The following XKR9 variants were observed in gnomAD, a reference collection of about 807,000 sequenced individuals.
XKR9 encodes the protein XK-related protein 9.
Under a neutral mutation model 32.0 loss-of-function variants are expected in XKR9, and 32 were observed. That is an observed-to-expected ratio of 1.00 (90% CI 0.76 to 1.34). The LOEUF is 1.34. XKR9 is among the 40% of genes most tolerant of loss of function. The pLI is 0.00. For missense variants in XKR9, 546 were observed against 429.7 expected (o/e 1.27, Z -2.39); for synonymous variants, 168 against 143.4 (o/e 1.17, Z -1.22).
At chr8:70,807,491 C>T in the XKR9 span, among the ~76,000 whole-genome samples, 1 of 152,026 alleles carries the variant, frequency 6.6e-6, no homozygotes, top group African/African-American at 2.4e-5. Context: ...GAGTCAAGGC[C>T]CATTGGTGTG....
chr8:70,997,296 T>C, the XKR9 span, among the ~76,000 whole-genome samples: 7 of 151,138 alleles, frequency 4.6e-5, no homozygotes, highest in African/African-American at 1.7e-4. Flanking sequence ...AGACTCCATC[T>C]CAAAAAAACA....
At chr8:70,689,962 A>G (rs544988036) in intron 3 of XKR9, among the ~76,000 whole-genome samples, 28 of 152,270 alleles carry the variant, frequency 1.8e-4, no homozygotes, top group Non-Finnish European at 3.7e-4. Flanking sequence ...TTTCTTACTT[A>G]TAACTTTCTA....
the XKR9 span, among the ~76,000 whole-genome samples, chr8:71,058,753 C>T: frequency 6.6e-6 from 1 of 152,318 alleles, no homozygotes; most frequent in East Asian, 1.9e-4. Context: ...CAGAAAAGTA[C>T]ATTATCCAAA....
chr8:70,829,285 A>G, the XKR9 span, among the ~76,000 whole-genome samples: 3 of 143,914 alleles, frequency 2.1e-5, no homozygotes, highest in Admixed American at 2.1e-4. Context: ...AATATAAGTA[A>G]GTTAAAACAA....
At chr8:70,685,893 A>T (rs1235038071) in intron 3 of XKR9, among the ~76,000 whole-genome samples, 3 of 150,624 alleles carry the variant, frequency 2.0e-5, no homozygotes, top group Non-Finnish European at 3.0e-5. Flanking sequence ...ATAATAAAAT[A>T]AAAAAAATTA....
At chr8:70,882,720 A>T in the XKR9 span, among the ~76,000 whole-genome samples, 2 of 152,024 alleles carry the variant, frequency 1.3e-5, no homozygotes, top group Admixed American at 6.6e-5. Flanking sequence ...AACATAGTGC[A>T]CTAGTGTTGT....
the XKR9 span, among the ~76,000 whole-genome samples, chr8:70,958,821 T>G: frequency 6.6e-6 from 1 of 152,186 alleles, no homozygotes; most frequent in South Asian, 2.1e-4. Flanking sequence ...TTAGTCAAGT[T>G]ACTTAGCTTC....
the XKR9 span, among the ~76,000 whole-genome samples, chr8:71,049,053 G>C: frequency 6.6e-6 from 1 of 152,174 alleles, no homozygotes; most frequent in Admixed American, 6.5e-5. Context: ...AAATGCAACT[G>C]TTCCATACAA....
At chr8:70,995,713 G>T in the XKR9 span, among the ~76,000 whole-genome samples, 35 of 151,996 alleles carry the variant, frequency 2.3e-4, no homozygotes, top group African/African-American at 7.7e-4. Flanking sequence ...ATAGGGTCTT[G>T]CTCTGTTGCC....
At chr8:70,802,126 CG>C in the XKR9 span, among the ~76,000 whole-genome samples, 2 of 151,734 alleles carry the variant, frequency 1.3e-5, no homozygotes, top group East Asian at 1.9e-4. Context: ...TTAGTAGACA[CG>C]GGGTTTCACC....
chr8:70,791,782 AACTG>A (rs1163593832), downstream of XKR9, among the ~76,000 whole-genome samples: 5 of 152,260 alleles, frequency 3.3e-5, no homozygotes, highest in Non-Finnish European at 5.9e-5. Flanking sequence ...AGCTTCACAG[AACTG>A]ACTAAGACAC....
chr8:70,857,940 A>G, the XKR9 span, among the ~76,000 whole-genome samples: 1 of 152,186 alleles, frequency 6.6e-6, no homozygotes. Context: ...AACTCTCAAT[A>G]AATTAGGTAT....
At chr8:70,806,688 T>C in the XKR9 span, among the ~76,000 whole-genome samples, 1 of 151,844 alleles carries the variant, frequency 6.6e-6, no homozygotes, top group African/African-American at 2.4e-5. Context: ...ACCACCTTGC[T>C]GAAATAAGGC....
intron 2 of XKR9, among the ~76,000 whole-genome samples, chr8:70,755,606 G>A (rs1469827919): frequency 6.6e-6 from 1 of 152,048 alleles, no homozygotes; most frequent in Non-Finnish European, 1.5e-5. Flanking sequence ...CATGTCCTTT[G>A]TAGGGACATG....
chr8:70,996,845 C>T, the XKR9 span, among the ~76,000 whole-genome samples: 21 of 152,204 alleles, frequency 1.4e-4, no homozygotes, highest in African/African-American at 1.2e-4. Context: ...CAGAGCTATC[C>T]TCCCTATACC....
At chr8:70,809,306 A>G in the XKR9 span, among the ~76,000 whole-genome samples, 2 of 152,226 alleles carry the variant, frequency 1.3e-5, no homozygotes, top group Non-Finnish European at 2.9e-5. Flanking sequence ...CGTCACCATC[A>G]TCAAAGACCA....
chr8:70,719,849 G>A (rs1396183624), intron 4 of XKR9, among the ~76,000 whole-genome samples: 2 of 151,936 alleles, frequency 1.3e-5, no homozygotes, highest in African/African-American at 4.8e-5. Context: ...GTACCTTGAT[G>A]GTTATTCAAA....
intron 4 of XKR9, among the ~76,000 whole-genome samples, chr8:70,712,802 C>T (rs922355689): frequency 1.3e-5 from 2 of 152,054 alleles, no homozygotes; most frequent in East Asian, 3.9e-4. Context: ...CTGATAGTAC[C>T]CCTACATGTC....
chr8:70,868,276 G>C, the XKR9 span, among the ~76,000 whole-genome samples: 6 of 152,060 alleles, frequency 3.9e-5, no homozygotes, highest in African/African-American at 1.4e-4. Flanking sequence ...CTGTGTGGGG[G>C]CTCTGACCCC....
Sources: allele counts gnomAD v4.1 joint callset (sites outside exome capture counted in the v4.1 genomes callset), GRCh38; gene constraint gnomAD v4.1.1; transcripts MANE v1.5; gene names NCBI Gene and HGNC (gene_info 2026-07-23, HGNC 2026-07-21).